Variants in KDM7A observed in about 807,000 individuals in gnomAD.
KDM7A encodes lysine-specific demethylase 7A.
Under a neutral mutation model 114.8 loss-of-function variants are expected in KDM7A, and 28 were observed. That is an observed-to-expected ratio of 0.24 (90% CI 0.18 to 0.33). The LOEUF is 0.33. KDM7A is among the 10% of genes least tolerant of loss of function. KDM7A has a pLI of 1.00. For synonymous variants in KDM7A, 423 were observed against 397.8 expected, an observed-to-expected ratio of 1.06 and a Z score of -0.75; for missense variants, 942 against 1,142.5, an observed-to-expected ratio of 0.82 and a Z score of 2.53.
intron 9 of KDM7A, among the ~76,000 whole-genome samples, chr7:140,117,620 GATTT>G (rs1818553176): frequency 6.6e-6 from 1 of 152,158 alleles, no homozygotes; most frequent in African/African-American, 2.4e-5. Flanking sequence ...CAATAGTTGG[GATTT>G]ATTTCCACAA....
chr7:140,173,665 C>T (rs1794670772), intron 1 of KDM7A, among the ~76,000 whole-genome samples: 1 of 152,098 alleles, frequency 6.6e-6, no homozygotes, highest in Non-Finnish European at 1.5e-5. Context: ...CACCTCTGGT[C>T]CAATGAAATC....
At chr7:140,125,443 A>T (rs1562952882) in intron 6 of KDM7A, among the ~76,000 whole-genome samples, 1 of 152,262 alleles carries the variant, frequency 6.6e-6, no homozygotes, top group Non-Finnish European at 1.5e-5. Context: ...ATAAACGAGG[A>T]ACTGAATTTT....
intron 11 of KDM7A, among the ~76,000 whole-genome samples, chr7:140,104,677 G>A (rs551293923): frequency 6.6e-6 from 1 of 152,342 alleles, no homozygotes; most frequent in African/African-American, 2.4e-5. Flanking sequence ...CCAGTACCAT[G>A]CTGTTTTGGT....
chr7:140,170,954 G>T (rs1330160672), intron 1 of KDM7A, among the ~76,000 whole-genome samples: 1 of 152,124 alleles, frequency 6.6e-6, no homozygotes, highest in Non-Finnish European at 1.5e-5. Flanking sequence ...TTTTTAGGGT[G>T]CATGGCACAT....
At position 140,102,097 on chromosome 7, in the gene KDM7A, A is replaced by AT; in HGVS notation, c.1491_1492insA (p.Ser498IlefsTer3). The AT allele has an allele frequency of 1.9e-6, 3 of 1,614,054 alleles. No individual in the cohort carries two copies. Among genetic ancestry groups the AT allele is most frequent in the Non-Finnish European group, 2.5e-6 (3 of 1,179,938 alleles). Reference sequence around the variant, plus strand: ...TGGTATGGGGAAGTTGCTTCATTTGAGGATCGTGAAACTGGACACACAATA... The same window carrying AT: ...TGGTATGGGGAAGTTGCTTCATTTGATGGATCGTGAAACTGGACACACAATA... On this transcript the variant is annotated frameshift_variant, in exon 12 of 20. Coordinates refer to ENST00000397560, the MANE Select transcript of KDM7A (RefSeq NM_030647.2).
Position 140,133,563 on chromosome 7 carries a change from T to G in KDM7A, c.374A>C (p.Glu125Ala). ...CCTTGGGAAGACTCGAGAGCGTAAT[T>G]CCTTAATGAAAGTTCTAGTTCCAGC... ...VQAGTRTFIK[E>A]LRSRVFPSAD... The change falls in exon 3 of 20, where the codon GAA (glutamate) becomes GCA (alanine). Residue 125 changes from glutamate (E) to alanine (A), a missense_variant. By Grantham distance (107) the Glu-to-Ala change is moderately radical (BLOSUM62 -1). Coordinates refer to ENST00000397560, the MANE Select transcript of KDM7A (RefSeq NM_030647.2). 2.5e-6 allele frequency: 4 copies of G among 1,604,168 alleles called. No individual in the cohort carries two copies. The highest frequency in any genetic ancestry group is 3.4e-6 in the Non-Finnish European group (4 of 1,171,104).
At chr7:140,173,110 T>C (rs1274014367) in intron 1 of KDM7A, among the ~76,000 whole-genome samples, 2 of 152,130 alleles carry the variant, frequency 1.3e-5, no homozygotes, top group Non-Finnish European at 2.9e-5. Context: ...GAAAGACATC[T>C]AGCCTGGAGA....
chr7:140,121,095 G>A (rs1818611681), intron 7 of KDM7A, among the ~76,000 whole-genome samples: 1 of 152,148 alleles, frequency 6.6e-6, no homozygotes, highest in Non-Finnish European at 1.5e-5. Flanking sequence ...AAGCAGAGGA[G>A]GATCAGAGGA....
At chr7:140,106,552 G>C (rs1818340441) in intron 11 of KDM7A, among the ~76,000 whole-genome samples, 1 of 152,232 alleles carries the variant, frequency 6.6e-6, no homozygotes, top group African/African-American at 2.4e-5. Flanking sequence ...GTACCCAGTA[G>C]TCATTCAGGA....
At chr7:140,175,293 G>A (rs1455141804) in intron 1 of KDM7A, among the ~76,000 whole-genome samples, 25 of 152,154 alleles carry the variant, frequency 1.6e-4, no homozygotes. Flanking sequence ...GATTTACATG[G>A]TTTTCTCTCC....
chr7:140,174,980 G>T (rs1325557291), intron 1 of KDM7A, among the ~76,000 whole-genome samples: 2 of 152,022 alleles, frequency 1.3e-5, no homozygotes, highest in African/African-American at 4.8e-5. Flanking sequence ...AAAAAAATAA[G>T]CATTTACATA....
intron 1 of KDM7A, among the ~76,000 whole-genome samples, chr7:140,152,917 TG>T (rs973249000): frequency 9.2e-5 from 14 of 152,016 alleles, no homozygotes; most frequent in African/African-American, 3.4e-4. Context: ...TGGAGTGCAA[TG>T]GCACCATCTC....
In KDM7A at chr7:140,091,025, C is replaced by A. The variant is rs867422068; in HGVS notation, c.*69G>T. 9.1e-7 allele frequency: 1 copy of A among 1,096,620 alleles called. No individual in the cohort carries two copies. Among genetic ancestry groups the A allele is most frequent in the Non-Finnish European group, 1.4e-6 (1 of 711,880 alleles). 67.9% of individuals were successfully genotyped at this position (1,096,620 alleles called of 1,614,324 possible). A position where few individuals can be genotyped will look rare whatever the true frequency, so the allele number is the denominator to read the frequency against. On this transcript the variant is annotated 3_prime_UTR_variant, in exon 20 of 20. Transcript: ENST00000397560. ...CAAACTGCTCCAGGCAGGGGGACAGCGGAAGCTCCAGGCTCCTGCACCCCT... is the reference window on the plus strand; with the variant it reads ...CAAACTGCTCCAGGCAGGGGGACAGAGGAAGCTCCAGGCTCCTGCACCCCT...
At chr7:140,122,858 T>C (rs2116794851) in intron 7 of KDM7A, among the ~76,000 whole-genome samples, 1 of 152,336 alleles carries the variant, frequency 6.6e-6, no homozygotes, top group South Asian at 2.1e-4. Context: ...GAGCTGACCA[T>C]AGTTAAGACT....
chr7:140,171,187 G>T (rs964468828), intron 1 of KDM7A, among the ~76,000 whole-genome samples: 10 of 152,106 alleles, frequency 6.6e-5, no homozygotes, highest in Admixed American at 1.3e-4. Flanking sequence ...ATATGGCCGG[G>T]CGTGGTGGCT....
intron 5 of KDM7A, among the ~76,000 whole-genome samples, 160 bp from the exon 6 acceptor site, chr7:140,126,983 A>G (rs990843638): frequency 6.6e-6 from 1 of 152,244 alleles, no homozygotes; most frequent in Non-Finnish European, 1.5e-5. Flanking sequence ...TTTTTGAGAC[A>G]GAGTCTTGCT....
intron 1 of KDM7A, among the ~76,000 whole-genome samples, chr7:140,154,998 A>G (rs966438160): frequency 7.2e-5 from 11 of 152,196 alleles, no homozygotes; most frequent in Non-Finnish European, 1.3e-4. Context: ...TCAACACAGG[A>G]GACTAAAATG....
At chr7:140,127,175 G>T (rs1238897327) in intron 5 of KDM7A, among the ~76,000 whole-genome samples, 1 of 152,160 alleles carries the variant, frequency 6.6e-6, no homozygotes, top group Non-Finnish European at 1.5e-5. Context: ...TGGCCAGGCT[G>T]GTTTTGAACT....
At position 140,129,610 on chromosome 7, in the gene KDM7A, G is replaced by T; in HGVS notation, c.442C>A (p.Gln148Lys). The change falls in exon 4 of 20, where the codon CAA (glutamine) becomes AAA (lysine). Residue 148 changes from glutamine (Q) to lysine (K), a missense_variant. Coordinates refer to ENST00000397560, the MANE Select transcript of KDM7A (RefSeq NM_030647.2). ...AATCCATGTTTCTCCAGATATCTTT[G>T]TGTCAGCTGGCTGCCATGCATCTTT... ...IIKMHGSQLT[Q>K]RYLEKHGFDV... The T allele has an allele frequency of 1.2e-6, 2 of 1,610,392 alleles. No individual in the cohort carries two copies. Among genetic ancestry groups the T allele is most frequent in the Non-Finnish European group, 1.7e-6 (2 of 1,176,824 alleles).
Sources: gnomAD v4.1 joint callset for allele counts (sites outside exome capture counted in the v4.1 genomes callset) on GRCh38, gnomAD v4.1.1 for gene constraint, MANE v1.5 for transcripts, NCBI Gene and HGNC (gene_info 2026-07-23, HGNC 2026-07-21) for gene names.